Variants in SH2D5 observed in about 807,000 individuals in gnomAD.
The protein encoded by SH2D5 is SH2 domain-containing protein 5.
In SH2D5, 45 loss-of-function variants were observed where a neutral mutation model predicts 48.2. That is an observed-to-expected ratio of 0.93 (90% CI 0.73 to 1.20). SH2D5 has a LOEUF of 1.20. Among genes scored for constraint, SH2D5 ranks in the 50% most tolerant of loss-of-function variants. The pLI is 0.00. For synonymous variants in SH2D5, 230 were observed against 249.8 expected (o/e 0.92, Z 0.75); for missense variants, 538 against 584.1 (o/e 0.92, Z 0.81).
chr1:20,722,703 A>T, intron 9 of SH2D5, 53 bp downstream of exon 9: 1 of 1,402,630 alleles, frequency 7.1e-7, no homozygotes, highest in Non-Finnish European at 9.4e-7. Context: ...AGGGCCAGGG[A>T]TGGAGCCAAT....
In SH2D5 at chr1:20,720,508, C is replaced by G. The variant is rs2054664916; in HGVS notation, c.*1284G>C. 1 of 152,308 alleles carries G rather than the reference C, an allele frequency of 6.6e-6. No homozygotes were observed. Among genetic ancestry groups the G allele is most frequent in the Non-Finnish European group, 1.5e-5 (1 of 68,064 alleles). 9.4% of individuals were successfully genotyped at this position (152,308 alleles called of 1,614,324 possible). ...CAAGGCACTGAACAGTTCTGTCCCA[C>G]TCCCAGACGGGGAGAGGGCAGCCCC... On this transcript the variant is annotated 3_prime_UTR_variant, in exon 10 of 10. Transcript: ENST00000444387.
Position 20,732,083 on chromosome 1 carries a change from C to T in SH2D5, c.-43+98G>A, listed in dbSNP as rs1389802452. ...CGCCGCAGCCCCGCGCCTGGGTGCCCGCTTCCCGCCGCCCCCGACCCCGGT... is the reference window on the plus strand; with the variant it reads ...CGCCGCAGCCCCGCGCCTGGGTGCCTGCTTCCCGCCGCCCCCGACCCCGGT... On this transcript the variant is annotated intron_variant, in intron 1 of 9. Transcript: ENST00000444387. The surrounding 1 kb of genome is among the most constrained non-coding windows in gnomAD (Gnocchi z 5.1). 1 of 152,194 alleles carries T rather than the reference C, an allele frequency of 6.6e-6. No individual in the cohort carries two copies. The highest frequency in any genetic ancestry group is 1.5e-5 in the Non-Finnish European group (1 of 67,880). 9.4% of individuals were successfully genotyped at this position (152,194 alleles called of 1,614,324 possible). A position where few individuals can be genotyped will look rare whatever the true frequency, so the allele number is the denominator to read the frequency against.
chr1:20,722,572 A>G (rs1318637081), intron 9 of SH2D5, among the ~76,000 whole-genome samples, 184 bp downstream of exon 9: 1 of 152,160 alleles, frequency 6.6e-6, no homozygotes, highest in African/African-American at 2.4e-5. Context: ...ATGAGGAAGG[A>G]GCAGGACAGT....
chr1:20,730,832 C>T (rs571539409), intron 1 of SH2D5: 1 of 152,510 alleles, frequency 6.6e-6, no homozygotes, highest in Admixed American at 6.5e-5. Flanking sequence ...GAGCTGTCCT[C>T]TGAGGTTTTC....
At chr1:20,724,754 C>T (rs1303822954) in intron 5 of SH2D5, 119 bp from the exon 6 acceptor site, 18 of 1,260,776 alleles carry the variant, frequency 1.4e-5, no homozygotes, top group Admixed American at 1.2e-4. Context: ...GGAGGCTCTT[C>T]CCATTCTTCC....
rs1322641067 is a variant in SH2D5 at position 20,724,255 on chromosome 1, G to A, written c.631-4C>T. 6.2e-7 allele frequency: 1 copy of A among 1,612,198 alleles called. No individual in the cohort carries two copies. Among genetic ancestry groups the A allele is most frequent in the Non-Finnish European group, 8.5e-7 (1 of 1,179,530 alleles). On this transcript the variant is annotated splice_region_variant and splice_polypyrimidine_tract_variant and intron_variant, in intron 6 of 9. Transcript: ENST00000444387. Reference sequence around the variant, plus strand: ...CTTCCGACTCTGGCAGCTCCTTCTAGGGCACCAAGAGGGGCCCACAGGCAG... The same window carrying A: ...CTTCCGACTCTGGCAGCTCCTTCTAAGGCACCAAGAGGGGCCCACAGGCAG...
intron 9 of SH2D5, 88 bp downstream of exon 9, chr1:20,722,668 A>C: frequency 3.8e-6 from 5 of 1,321,926 alleles, no homozygotes; most frequent in Non-Finnish European, 5.0e-6. Flanking sequence ...TCAGGACCTC[A>C]GCAGTTAGAA....
rs972870378 is a variant in SH2D5 at position 20,728,733 on chromosome 1, C to T, written c.-42-647G>A. 7.2e-5 allele frequency among the ~76,000 whole-genome samples: 11 copies of T among 152,198 alleles called. No homozygotes were observed. The highest frequency in any genetic ancestry group is 1.4e-4 in the African/African-American group (6 of 41,450). ...GATCCAGTTTGGGATCAGCCTTAGA[C>T]GCCAGGCTCAGGAATTCAGACCCCA... On this transcript the variant is annotated intron_variant, in intron 1 of 9. Coordinates refer to ENST00000444387, the MANE Select transcript of SH2D5 (RefSeq NM_001103161.2). This position sits in a 1 kb window ranked among gnomAD's most constrained non-coding sequence, Gnocchi z 4.3.
At chr1:20,724,732 C>G in intron 5 of SH2D5, 97 bp from the exon 6 acceptor site, 1 of 1,387,614 alleles carries the variant, frequency 7.2e-7, no homozygotes. Flanking sequence ...GTGCATGCAG[C>G]CCCTTGGCTT....
At chr1:20,725,664 G>T (rs2054781150) in intron 5 of SH2D5, among the ~76,000 whole-genome samples, 1 of 152,238 alleles carries the variant, frequency 6.6e-6, no homozygotes, top group African/African-American at 2.4e-5. Context: ...ATGAGCGAAG[G>T]CCTGGAGGTG....
rs1570498865 is a variant in SH2D5, at chr1:20,721,060, A to T, written c.*732T>A. 6.5e-6 allele frequency: 1 copy of T among 152,812 alleles called. No homozygotes were observed. Among genetic ancestry groups the T allele is most frequent in the Non-Finnish European group, 1.5e-5 (1 of 68,154 alleles). The allele number at this position is 152,812 out of a possible 1,614,324, so 9.5% of individuals were successfully genotyped here. On this transcript the variant is annotated 3_prime_UTR_variant, in exon 10 of 10. Coordinates refer to ENST00000444387, the MANE Select transcript of SH2D5 (RefSeq NM_001103161.2). ...TGCGCATCCCTTCTGAGAAAGCGGG[A>T]GTCACAGCCCTGAGGTTTTGAGTGG...
At chr1:20,727,218 CT>C (rs567358759) in intron 3 of SH2D5, 143 bp from the exon 4 acceptor site, 2 of 721,260 alleles carry the variant, frequency 2.8e-6, no homozygotes, top group South Asian at 2.0e-5. Context: ...GTGGACCCCC[CT>C]GGCGCTGGGG....
intron 9 of SH2D5, 46 bp downstream of exon 9, chr1:20,722,710 C>T: frequency 7.1e-7 from 1 of 1,410,432 alleles, no homozygotes; most frequent in Non-Finnish European, 9.3e-7. Context: ...GGGATGGAGC[C>T]AATGATGCGG....
At position 20,723,600 on chromosome 1, in the gene SH2D5, G is replaced by A. The variant is rs28628771; in HGVS notation, c.908+26C>T. On this transcript the variant is annotated intron_variant, in intron 8 of 9. Coordinates refer to ENST00000444387, the MANE Select transcript of SH2D5 (RefSeq NM_001103161.2). The stretch of plus-strand genomic sequence containing the variant: ...CTCTGCCCACCCCAAGGGACTGGGC[G>A]TCAGGCCAGGCCAGGCCCTTCCTAC... 5.8e-4 allele frequency: 912 copies of A among 1,575,614 alleles called. 5 individuals are homozygous for A. The African/African-American group carries it at 0.01, about 18-fold the overall frequency.
intron 1 of SH2D5, among the ~76,000 whole-genome samples, chr1:20,730,306 C>CG (rs58462623): frequency 0.015 from 2,068 of 133,842 alleles, 84 homozygotes; most frequent in Non-Finnish European, 0.019. Context: ...CCATCCTGCT[C>CG]GGGGGGGGGG....
At position 20,729,939 on chromosome 1, in the gene SH2D5, T is replaced by A. The variant is rs2054875193; in HGVS notation, c.-42-1853A>T. Among the ~76,000 whole-genome samples the A allele has an allele frequency of 6.6e-6, 1 of 152,252 alleles. No individual in the cohort carries two copies. The highest frequency in any genetic ancestry group is 1.5e-5 in the Non-Finnish European group (1 of 68,050). Reference sequence around the variant, plus strand: ...GCTTTTCTGGGCTATTGCACCCGGATCATTTTCATGTCATATCCTTTACCT... The same window carrying A: ...GCTTTTCTGGGCTATTGCACCCGGAACATTTTCATGTCATATCCTTTACCT... On this transcript the variant is annotated intron_variant, in intron 1 of 9. Coordinates refer to ENST00000444387, the MANE Select transcript of SH2D5 (RefSeq NM_001103161.2). This position sits in a 1 kb window ranked among gnomAD's most constrained non-coding sequence, Gnocchi z 4.2.
rs1336205846 is a variant in SH2D5 at position 20,720,089 on chromosome 1, C to G, written c.*1703G>C. ...CATCTCTGGGCTGTAATCCTAGACC[C>G]AGGACATGGCTAAACCTCTCTCTCC... On this transcript the variant is annotated 3_prime_UTR_variant, in exon 10 of 10. Coordinates refer to ENST00000444387, the MANE Select transcript of SH2D5 (RefSeq NM_001103161.2). 3 of 152,358 alleles carry G rather than the reference C, an allele frequency of 2.0e-5. No individual in the cohort carries two copies. The South Asian group carries it at 6.2e-4, about 32-fold the overall frequency. 9.4% of individuals were successfully genotyped at this position (152,358 alleles called of 1,614,324 possible). A position where few individuals can be genotyped will look rare whatever the true frequency, so the allele number is the denominator to read the frequency against.
chr1:20,729,973 T>C lies in SH2D5; in HGVS notation c.-42-1887A>G, dbSNP rs1570512985. 6.6e-6 allele frequency among the ~76,000 whole-genome samples: 1 copy of C among 152,236 alleles called. No homozygotes were observed. Among genetic ancestry groups the C allele is most frequent in the East Asian group, 1.9e-4 (1 of 5,202 alleles). On this transcript the variant is annotated intron_variant, in intron 1 of 9. Coordinates refer to ENST00000444387, the MANE Select transcript of SH2D5 (RefSeq NM_001103161.2). This position sits in a 1 kb window ranked among gnomAD's most constrained non-coding sequence, Gnocchi z 4.2. ...TGTCATATCCTTTACCTACTGTATC[T>C]TTTATGTTTAAATAAAGCAAAGTTA...
chr1:20,726,117 C>T (rs1441710000), intron 4 of SH2D5, 51 bp from the exon 5 acceptor site: 1 of 1,532,536 alleles, frequency 6.5e-7, no homozygotes, highest in African/African-American at 1.4e-5. Flanking sequence ...GGCAGCCCCA[C>T]CCCTGCTTGC....
Sources: allele counts gnomAD v4.1 joint callset (sites outside exome capture counted in the v4.1 genomes callset), GRCh38; gene constraint gnomAD v4.1.1; non-coding constraint Gnocchi (gnomAD v3.1); transcripts MANE v1.5; gene names NCBI Gene and HGNC (gene_info 2026-07-23, HGNC 2026-07-21).